The following NRP2 variants were observed in gnomAD, a reference collection of about 807,000 sequenced individuals.
NRP2 encodes neuropilin 2.
NRP2 carries 52 observed loss-of-function variants against 110.4 expected under a neutral mutation model. The observed-to-expected ratio is 0.47, with a 90% confidence interval of 0.38 to 0.59. The LOEUF (loss-of-function observed/expected upper bound fraction) is 0.59, where lower values mean the gene tolerates loss of function less well. Ranked by LOEUF, NRP2 falls within the 20% of genes least tolerant of loss-of-function variation. The pLI, the probability that NRP2 is intolerant of heterozygous loss-of-function variation, is 0.00. For missense variants in NRP2, 1,049 were observed against 1,203.0 expected (o/e 0.87, Z 1.89); for synonymous variants, 508 against 468.9 (o/e 1.08, Z -1.08).
intron 2 of NRP2, 111 bp downstream of exon 2, chr2:205,697,832 C>G: frequency 5.5e-6 from 6 of 1,086,766 alleles, no homozygotes; most frequent in Non-Finnish European, 8.5e-6. Flanking sequence ...CTGCTGCTAA[C>G]CAGTGGTGGA....
intron 15 of NRP2, among the ~76,000 whole-genome samples, chr2:205,781,552 G>T (rs946833906): frequency 3.3e-5 from 5 of 152,204 alleles, no homozygotes; most frequent in African/African-American, 1.2e-4. Context: ...ACAAACGTGT[G>T]GCCTTTCTGT....
At chr2:205,736,275 G>T (rs770813993) in intron 7 of NRP2, among the ~76,000 whole-genome samples, 3 of 152,206 alleles carry the variant, frequency 2.0e-5, no homozygotes, top group Non-Finnish European at 2.9e-5. Flanking sequence ...CCGGGAGGCA[G>T]AGGTTGCAGT....
rs1356356369 is a variant in NRP2 at position 205,701,055 on chromosome 2, A to T, written c.251+3334A>T. On this transcript the variant is annotated intron_variant, in intron 2 of 16. Coordinates refer to ENST00000357785, the MANE Select transcript of NRP2 (RefSeq NM_003872.3). ...CCTTTCGCTTGAGTCATCAGCCAAC[A>T]GACTGAATGTTATGGTTTTAGAAAC... 2.6e-5 allele frequency: 5 copies of T among 195,706 alleles called. No individual in the cohort carries two copies. The South Asian group carries it at 4.2e-4, about 17-fold the overall frequency. 12.1% of individuals were successfully genotyped at this position (195,706 alleles called of 1,614,324 possible). A position where few individuals can be genotyped will look rare whatever the true frequency, so the allele number is the denominator to read the frequency against.
At chr2:205,776,974 G>A (rs2058110682) in intron 15 of NRP2, 1 of 1,086,096 alleles carries the variant, frequency 9.2e-7, no homozygotes, top group Non-Finnish European at 1.1e-6. Context: ...AGCTCTCTGT[G>A]TGTGGGTGTG....
chr2:205,779,697 A>G (rs1575674035), intron 15 of NRP2: 1 of 152,168 alleles, frequency 6.6e-6, no homozygotes, highest in Admixed American at 6.5e-5. Flanking sequence ...TAATAAAATG[A>G]TGATATTTTT....
At chr2:205,716,071 G>C in intron 2 of NRP2, 122 bp from the exon 3 acceptor site, 1 of 1,046,810 alleles carries the variant, frequency 9.6e-7, no homozygotes, top group Non-Finnish European at 1.5e-6. Context: ...AGTGCCCTTC[G>C]CTTATCCATC....
chr2:205,766,658 T>TG (rs2057923655), intron 14 of NRP2, 125 bp from the exon 15 acceptor site: 1 of 834,780 alleles, frequency 1.2e-6, no homozygotes, highest in Non-Finnish European at 2.0e-6. Flanking sequence ...GCCCTCTCCA[T>TG]GGAGTGGTAC....
chr2:205,776,989 A>AGAGC, intron 15 of NRP2: 1 of 1,057,380 alleles, frequency 9.5e-7, no homozygotes. Flanking sequence ...GGTGTGTGAG[A>AGAGC]GAGCGGCTGG....
At chr2:205,792,900 C>T (rs1237650266) in intron 16 of NRP2, among the ~76,000 whole-genome samples, 2 of 152,190 alleles carry the variant, frequency 1.3e-5, no homozygotes, top group Non-Finnish European at 2.9e-5. Flanking sequence ...CTCAGAATAG[C>T]ACAGGTCTCT....
chr2:205,777,275 G>T (rs903624454), intron 15 of NRP2: 9 of 394,852 alleles, frequency 2.3e-5, no homozygotes, highest in Non-Finnish European at 3.1e-5. Context: ...TGACCCAAGA[G>T]AAGGTTCCCC....
intron 7 of NRP2, among the ~76,000 whole-genome samples, chr2:205,738,264 G>A (rs1459651227): frequency 2.6e-5 from 4 of 152,034 alleles, no homozygotes; most frequent in African/African-American, 4.8e-5. Context: ...TCCTGATGGC[G>A]ACCACACACA....
At chr2:205,709,942 T>A (rs1442730566) in intron 2 of NRP2, among the ~76,000 whole-genome samples, 1 of 152,270 alleles carries the variant, frequency 6.6e-6, no homozygotes, top group Non-Finnish European at 1.5e-5. Context: ...ATCTGAACTC[T>A]TACAAGCTAG....
At chr2:205,719,709 C>G (rs1373726015) in intron 3 of NRP2, among the ~76,000 whole-genome samples, 1 of 152,156 alleles carries the variant, frequency 6.6e-6, no homozygotes, top group African/African-American at 2.4e-5. Context: ...AATTCAGGAA[C>G]TGAATTCACC....
chr2:205,685,403 G>A (rs1459714914), intron 1 of NRP2, among the ~76,000 whole-genome samples: 1 of 42,952 alleles, frequency 2.3e-5, no homozygotes, highest in Non-Finnish European at 6.7e-5. Context: ...TGGCCAGGGC[G>A]AGGCCAAGCC....
At chr2:205,777,174 G>A (rs778285553) in intron 15 of NRP2, 68 of 985,662 alleles carry the variant, frequency 6.9e-5, no homozygotes, top group Non-Finnish European at 7.1e-5. Flanking sequence ...CTGGGTTTCT[G>A]TTGGCTGTCA....
chr2:205,776,885 AG>A (rs2058109391), intron 15 of NRP2: 1 of 1,206,356 alleles, frequency 8.3e-7, no homozygotes, highest in Non-Finnish European at 1.0e-6. Flanking sequence ...ACCTCCTCTC[AG>A]TGGGCAGTCT....
At position 205,723,774 on chromosome 2, in the gene NRP2, T is replaced by C. The variant is rs747245641; in HGVS notation, c.665-11T>C. ...GATTTCCACTGACTTCTCTTTGTCT[T>C]GAATGTCCAGTTGGCCCCCTGATTG... On this transcript the variant is annotated splice_polypyrimidine_tract_variant and intron_variant, in intron 4 of 16. Transcript: ENST00000357785. The C allele has an allele frequency of 6.8e-6, 11 of 1,613,972 alleles. No individual in the cohort carries two copies. In the East Asian group the frequency reaches 2.5e-4, roughly 36 times the overall value.
chr2:205,704,609 C>A lies in NRP2; in HGVS notation c.251+6888C>A, dbSNP rs148348832. ...CAGCAACTCCACCTCACCCATGGAT[C>A]AGGGGGAAAAACAACTCACAGACTG... On this transcript the variant is annotated intron_variant, in intron 2 of 16. Transcript: ENST00000357785. Among the ~76,000 whole-genome samples the A allele has an allele frequency of 3.3e-5, 5 of 152,208 alleles. No individual in the cohort carries two copies. The East Asian group carries it at 9.6e-4, about 29-fold the overall frequency.
rs560164217 is a variant in NRP2 at position 205,795,881 on chromosome 2, G to C, written c.*823G>C. The C allele has an allele frequency of 4.7e-4, 72 of 152,736 alleles. No individual in the cohort carries two copies. Among genetic ancestry groups the C allele is most frequent in the African/African-American group, 1.7e-3 (71 of 41,568 alleles). The allele number at this position is 152,736 out of a possible 1,614,324, so 9.5% of individuals were successfully genotyped here. ...AATTCTAGACCCACAGTGTCTGGTG[G>C]TGGGGCTTCCCTTGTGGGGCTTCTG... is the stretch of plus-strand genomic sequence containing the variant. On this transcript the variant is annotated 3_prime_UTR_variant, in exon 17 of 17. Coordinates refer to ENST00000357785, the MANE Select transcript of NRP2 (RefSeq NM_003872.3).
Sources: gnomAD v4.1 joint callset for allele counts (sites outside exome capture counted in the v4.1 genomes callset) on GRCh38, gnomAD v4.1.1 for gene constraint, MANE v1.5 for transcripts, NCBI Gene and HGNC (gene_info 2026-07-23, HGNC 2026-07-21) for gene names.